The following ADAMTS6 variants were observed in gnomAD, a reference collection of about 807,000 sequenced individuals.
The protein encoded by ADAMTS6 is ADAM metallopeptidase with thrombospondin type 1 motif 6.
In ADAMTS6, 23 loss-of-function variants were observed where a neutral mutation model predicts 144.3. The observed-to-expected ratio is 0.16, with a 90% CI of 0.11 to 0.23. The LOEUF is 0.23. ADAMTS6 is among the 10% of genes least tolerant of loss of function. ADAMTS6 has a pLI of 1.00. For synonymous variants in ADAMTS6, 444 were observed against 457.5 expected, an observed-to-expected ratio of 0.97 and a Z score of 0.38; for missense variants, 999 against 1,379.6, an observed-to-expected ratio of 0.72 and a Z score of 4.37.
At chr5:65,233,880 T>A (rs1426796249) in intron 15 of ADAMTS6, among the ~76,000 whole-genome samples, 1 of 152,086 alleles carries the variant, frequency 6.6e-6, no homozygotes. Flanking sequence ...TTTTGAACTA[T>A]ATTACTAACC....
chr5:65,479,233 T>C (rs1175452648), intron 1 of ADAMTS6, among the ~76,000 whole-genome samples: 1 of 152,232 alleles, frequency 6.6e-6, no homozygotes, highest in African/African-American at 2.4e-5. Context: ...TTCTCTCACA[T>C]TTATTATCAC....
chr5:65,238,085 CA>C (rs796365969), intron 15 of ADAMTS6, among the ~76,000 whole-genome samples: 1,991 of 134,672 alleles, frequency 0.015, 19 homozygotes, highest in Non-Finnish European at 0.02. Flanking sequence ...GACTCTCTCT[CA>C]AAAAAAAAAA....
At chr5:65,172,648 C>T (rs1396331239) in intron 23 of ADAMTS6, among the ~76,000 whole-genome samples, 184 bp downstream of exon 23, 1 of 152,096 alleles carries the variant, frequency 6.6e-6, no homozygotes, top group Non-Finnish European at 1.5e-5. Context: ...CACTGGCTCA[C>T]TCTGTATGTG....
intron 7 of ADAMTS6, chr5:65,416,301 T>G (rs944842956): frequency 3.3e-5 from 5 of 152,816 alleles, no homozygotes; most frequent in African/African-American, 1.2e-4. Flanking sequence ...CAAGTGTTGG[T>G]GATGATGTGA....
intron 7 of ADAMTS6, among the ~76,000 whole-genome samples, chr5:65,371,918 G>C (rs550274521): frequency 6.6e-6 from 1 of 152,230 alleles, no homozygotes; most frequent in Admixed American, 6.5e-5. Flanking sequence ...ACTAACAGTG[G>C]ACCTCTCGGC....
chr5:65,262,540 TC>T (rs1273166443), intron 13 of ADAMTS6, among the ~76,000 whole-genome samples: 2 of 152,078 alleles, frequency 1.3e-5, no homozygotes, highest in African/African-American at 4.8e-5. Context: ...GAGGAGGAAA[TC>T]TGATTATTAT....
intron 19 of ADAMTS6, 90 bp downstream of exon 19, chr5:65,215,234 C>A: frequency 7.2e-7 from 1 of 1,396,774 alleles, no homozygotes; most frequent in South Asian, 1.4e-5. Flanking sequence ...ATTTCATCAC[C>A]TGTAAAGCAG....
intron 22 of ADAMTS6, among the ~76,000 whole-genome samples, chr5:65,181,084 C>T (rs375536725): frequency 2.4e-4 from 36 of 152,332 alleles, no homozygotes; most frequent in African/African-American, 7.9e-4. Context: ...TAAAAAGTCA[C>T]ATATATATTA....
In ADAMTS6 at chr5:65,210,694, G is replaced by A. The variant is rs919977561; in HGVS notation, c.2575+4100C>T. On this transcript the variant is annotated intron_variant, in intron 20 of 24. Coordinates refer to ENST00000381055, the MANE Select transcript of ADAMTS6 (RefSeq NM_197941.4). ...TGATTCTGAAAGCAAATAATTTAAT[G>A]TGGAAGTACACCAGAAGCACATCAT... 9 of 640,762 alleles carry A rather than the reference G, an allele frequency of 1.4e-5. No individual in the cohort carries two copies. The African/African-American group carries it at 1.4e-4, about 10-fold the overall frequency. 39.7% of individuals were successfully genotyped at this position (640,762 alleles called of 1,614,324 possible).
chr5:65,191,344 A>G (rs2112193414), intron 21 of ADAMTS6, among the ~76,000 whole-genome samples: 1 of 152,276 alleles, frequency 6.6e-6, no homozygotes, highest in South Asian at 2.1e-4. Context: ...AATTTGCCCC[A>G]ACCTTGGTAA....
At chr5:65,376,301 A>G (rs931362034) in intron 7 of ADAMTS6, among the ~76,000 whole-genome samples, 1 of 152,098 alleles carries the variant, frequency 6.6e-6, no homozygotes, top group Admixed American at 6.5e-5. Context: ...AAATACAATA[A>G]TTAGCCGGAC....
chr5:65,357,090 G>A (rs1749389024), intron 7 of ADAMTS6, among the ~76,000 whole-genome samples: 1 of 151,514 alleles, frequency 6.6e-6, no homozygotes, highest in Non-Finnish European at 1.5e-5. Context: ...GAATTTACTG[G>A]ACTCAAAAAC....
intron 6 of ADAMTS6, 115 bp from the exon 7 acceptor site, chr5:65,451,735 C>T: frequency 7.9e-7 from 1 of 1,259,938 alleles, no homozygotes; most frequent in African/African-American, 1.5e-5. Context: ...TAGGAATAAT[C>T]TCTTGCCAAT....
chr5:65,371,873 A>G (rs1015681479), intron 7 of ADAMTS6, among the ~76,000 whole-genome samples: 20 of 152,272 alleles, frequency 1.3e-4, no homozygotes, highest in Non-Finnish European at 2.2e-4. Flanking sequence ...AGCCAGAGAG[A>G]AAGGTCAGGT....
chr5:65,341,585 T>C (rs1747829656), intron 7 of ADAMTS6, among the ~76,000 whole-genome samples: 1 of 151,904 alleles, frequency 6.6e-6, no homozygotes, highest in Admixed American at 6.6e-5. Flanking sequence ...TTCCAATAAA[T>C]GTGAAAACCT....
intron 5 of ADAMTS6, 73 bp from the exon 6 acceptor site, chr5:65,452,289 G>A: frequency 7.7e-7 from 1 of 1,305,698 alleles, no homozygotes; most frequent in Non-Finnish European, 1.1e-6. Flanking sequence ...TTTTTTAAGT[G>A]CTAAAACAAT....
chr5:65,223,909 C>T (rs1159469479), intron 18 of ADAMTS6, among the ~76,000 whole-genome samples: 1 of 151,140 alleles, frequency 6.6e-6, no homozygotes, highest in Non-Finnish European at 1.5e-5. Context: ...ACGTCATTTT[C>T]CTGCCTCAGC....
At chr5:65,202,352 T>TA (rs1339031817) in intron 20 of ADAMTS6, among the ~76,000 whole-genome samples, 4 of 152,226 alleles carry the variant, frequency 2.6e-5, no homozygotes, top group African/African-American at 9.6e-5. Flanking sequence ...AACATACGTA[T>TA]ACTGAGCTTA....
chr5:65,449,096 C>A (rs1454421324), intron 7 of ADAMTS6, among the ~76,000 whole-genome samples: 1 of 152,070 alleles, frequency 6.6e-6, no homozygotes, highest in Non-Finnish European at 1.5e-5. Context: ...CTCTATGGCC[C>A]TAGTAATTCA....
Sources: allele counts gnomAD v4.1 joint callset (sites outside exome capture counted in the v4.1 genomes callset), GRCh38; gene constraint gnomAD v4.1.1; transcripts MANE v1.5; gene names NCBI Gene and HGNC (gene_info 2026-07-23, HGNC 2026-07-21).